Variants in RBL2 observed in about 807,000 individuals in gnomAD.
RBL2 encodes RB transcriptional corepressor like 2.
In RBL2, 56 loss-of-function variants were observed where a neutral mutation model predicts 126.0. That is an observed-to-expected ratio of 0.44 (90% CI 0.36 to 0.56). The LOEUF is 0.56. RBL2 is among the 20% of genes least tolerant of loss of function. The pLI, the probability that RBL2 is intolerant of heterozygous loss-of-function variation, is 0.00. For synonymous variants in RBL2, 454 were observed against 478.5 expected (o/e 0.95, Z 0.67); for missense variants, 1,229 against 1,398.2 (o/e 0.88, Z 1.93).
chr16:53,437,706 C>T (rs1197321384), intron 1 of RBL2, among the ~76,000 whole-genome samples: 2 of 151,942 alleles, frequency 1.3e-5, no homozygotes, highest in African/African-American at 4.8e-5. Flanking sequence ...ATTTCTATCA[C>T]TTTTCTAGAT....
intron 8 of RBL2, among the ~76,000 whole-genome samples, chr16:53,455,113 G>A (rs1352738966): frequency 6.6e-6 from 1 of 152,060 alleles, no homozygotes; most frequent in Non-Finnish European, 1.5e-5. Flanking sequence ...TAAAAAGATG[G>A]GCCAGTAATA....
In RBL2 at chr16:53,442,829, AC is replaced by A; in HGVS notation, c.545del (p.Pro182LeufsTer36). 6.2e-7 allele frequency: 1 copy of A among 1,612,752 alleles called. No homozygotes were observed. Among genetic ancestry groups the A allele is most frequent in the South Asian group, 1.1e-5 (1 of 90,738 alleles). On this transcript the variant is annotated frameshift_variant, in exon 3 of 22. Transcript: ENST00000262133. LOFTEE classifies it high-confidence loss of function. ...TCTTTAAATACCCTCAAGAGGAGCA[AC>A]CTCGTCAGCAGCGAGGAAGGAAACA... The part of the protein sequence containing the change: ...DIFKYPQEEQ[P>X]RQQRGRKQRR...
intron 9 of RBL2, among the ~76,000 whole-genome samples, chr16:53,460,256 T>C (rs1450625106): frequency 1.3e-5 from 2 of 152,172 alleles, no homozygotes; most frequent in South Asian, 2.1e-4. Flanking sequence ...TCCCTCTCAG[T>C]CCTAAAACCT....
intron 3 of RBL2, 34 bp downstream of exon 3, chr16:53,442,892 G>A (rs17800577): frequency 0.46 from 688,516 of 1,512,728 alleles, 161,405 homozygotes; most frequent in African/African-American, 0.56. Flanking sequence ...AGGAATACAC[G>A]TTAGTCTGTG....
intron 2 of RBL2, among the ~76,000 whole-genome samples, chr16:53,441,737 T>C (rs974188201): frequency 6.6e-6 from 1 of 152,208 alleles, no homozygotes; most frequent in South Asian, 2.1e-4. Flanking sequence ...AGACCAACTT[T>C]AGAATGGTTT....
chr16:53,434,706 C>T lies in RBL2; in HGVS notation c.150C>T (p.Asp50=), dbSNP rs767561865. ...SPTPQIQQRF[D]ELCSRLNMDE... is the part of the protein sequence containing the mutation. Reference sequence around the variant, plus strand: ...CCCCTCAGATCCAGCAGCGGTTCGACGAGCTGTGCAGCCGCCTCAACATGG... The same window carrying T: ...CCCCTCAGATCCAGCAGCGGTTCGATGAGCTGTGCAGCCGCCTCAACATGG... Residue 50 remains aspartate, a synonymous_variant, in exon 1 of 22, where the codon GAC becomes GAT. Transcript: ENST00000262133. 5.7e-6 allele frequency: 9 copies of T among 1,565,726 alleles called. No homozygotes were observed. Among genetic ancestry groups the T allele is most frequent in the South Asian group, 1.2e-5 (1 of 86,162 alleles).
chr16:53,483,487 A>G (rs1275901092), intron 21 of RBL2, among the ~76,000 whole-genome samples: 4 of 152,182 alleles, frequency 2.6e-5, no homozygotes, highest in Non-Finnish European at 4.4e-5. Context: ...GCGGTGAGCT[A>G]TGGTCGTGCC....
intron 21 of RBL2, among the ~76,000 whole-genome samples, chr16:53,482,184 GTT>G (rs1405197035): frequency 6.6e-6 from 1 of 152,226 alleles, no homozygotes; most frequent in Non-Finnish European, 1.5e-5. Context: ...CCAAAGGCCT[GTT>G]TCTGGGACAG....
chr16:53,467,775 T>G (rs1050415979), intron 14 of RBL2, among the ~76,000 whole-genome samples: 2 of 152,238 alleles, frequency 1.3e-5, no homozygotes, highest in Non-Finnish European at 2.9e-5. Context: ...AAAACCAAAC[T>G]GTTAAGATCA....
chr16:53,469,142 A>G (rs1427379402), intron 14 of RBL2, among the ~76,000 whole-genome samples: 1 of 152,192 alleles, frequency 6.6e-6, no homozygotes, highest in African/African-American at 2.4e-5. Context: ...AGGCACAAGA[A>G]TCACTTAAAC....
chr16:53,490,137 G>A lies in RBL2; in HGVS notation c.3257G>A (p.Arg1086Lys), dbSNP rs1285082358. 5.7e-6 allele frequency: 9 copies of A among 1,574,538 alleles called. No individual in the cohort carries two copies. Among genetic ancestry groups the A allele is most frequent in the Non-Finnish European group, 7.8e-6 (9 of 1,157,426 alleles). Reference sequence around the variant, plus strand: ...ATCTTTTTCCCACCATAGAGACTGAGAGAAATTAATAGTATGATACGCACA... The same window carrying A: ...ATCTTTTTCCCACCATAGAGACTGAAAGAAATTAATAGTATGATACGCACA... Reference protein sequence around the residue: ...YFSNSPSKRLREINSMIRTGE... With the variant: ...YFSNSPSKRLKEINSMIRTGE... The change falls in exon 22 of 22, where the codon AGA becomes AAA. Residue 1086 changes from arginine (R) to lysine (K), a missense_variant. By Grantham distance (26) the Arg-to-Lys change is conservative. Coordinates refer to ENST00000262133, the MANE Select transcript of RBL2 (RefSeq NM_005611.4).
At chr16:53,484,273 T>C (rs976664834) in intron 21 of RBL2, among the ~76,000 whole-genome samples, 8 of 151,990 alleles carry the variant, frequency 5.3e-5, no homozygotes, top group Non-Finnish European at 1.0e-4. Flanking sequence ...TAATAGCAGG[T>C]AATAGACAAA....
intron 14 of RBL2, among the ~76,000 whole-genome samples, chr16:53,468,021 A>G (rs555136530): frequency 1.1e-4 from 17 of 152,300 alleles, no homozygotes; most frequent in African/African-American, 3.6e-4. Flanking sequence ...CAGTTTTGCT[A>G]TCTATCTGGT....
At chr16:53,485,947 G>T (rs1211261452) in intron 21 of RBL2, among the ~76,000 whole-genome samples, 1 of 151,970 alleles carries the variant, frequency 6.6e-6, no homozygotes, top group African/African-American at 2.4e-5. Flanking sequence ...ATCAGGAAAA[G>T]AAATGACACA....
At position 53,470,390 on chromosome 16, in the gene RBL2, C is replaced by T; in HGVS notation, c.2253C>T (p.Ala751=). The change falls in exon 16 of 22, where the codon GCC becomes GCT. Residue 751 remains alanine (A), a synonymous_variant. Transcript: ENST00000262133. ...QTVTIPVQGI[A]NENGGITFFP... Reference sequence around the variant, plus strand: ...TTTTTTCTCTGTCACTAGGTATTGCCAATGAAAATGGAGGGATAACATTCT... The same window carrying T: ...TTTTTTCTCTGTCACTAGGTATTGCTAATGAAAATGGAGGGATAACATTCT... 6.2e-7 allele frequency: 1 copy of T among 1,611,284 alleles called. No individual in the cohort carries two copies. The highest frequency in any genetic ancestry group is 8.5e-7 in the Non-Finnish European group (1 of 1,177,684).
intron 2 of RBL2, among the ~76,000 whole-genome samples, chr16:53,441,584 A>G (rs2058016622): frequency 6.6e-6 from 1 of 152,242 alleles, no homozygotes; most frequent in African/African-American, 2.4e-5. Context: ...CAGAAACATT[A>G]TTGAGTGTGA....
chr16:53,487,283 C>A (rs182611220), intron 21 of RBL2, among the ~76,000 whole-genome samples: 34 of 152,274 alleles, frequency 2.2e-4, no homozygotes, highest in African/African-American at 8.2e-4. Context: ...TATGAAGGTA[C>A]ACAAAATATC....
chr16:53,456,534 T>C (rs142502982), intron 8 of RBL2, among the ~76,000 whole-genome samples: 1 of 152,280 alleles, frequency 6.6e-6, no homozygotes, highest in East Asian at 1.9e-4. Flanking sequence ...AAGAGAACAG[T>C]GATGTCTCCA....
intron 2 of RBL2, 76 bp downstream of exon 2, chr16:53,439,222 TC>T: frequency 2.3e-6 from 3 of 1,284,600 alleles, no homozygotes; most frequent in Non-Finnish European, 3.1e-6. Context: ...AAGAATTATC[TC>T]TGTTTATCAT....
Sources: gnomAD v4.1 joint callset for allele counts (sites outside exome capture counted in the v4.1 genomes callset) on GRCh38, gnomAD v4.1.1 for gene constraint, MANE v1.5 for transcripts, NCBI Gene and HGNC (gene_info 2026-07-23, HGNC 2026-07-21) for gene names.